CNOT6L: variants seen among roughly 807,000 people sequenced by gnomAD.
The protein encoded by CNOT6L is CCR4-NOT transcription complex subunit 6 like.
A neutral mutation model predicts 64.0 loss-of-function variants in CNOT6L; 7 were observed. That is an observed-to-expected ratio of 0.11 (90% CI 0.06 to 0.21). The LOEUF is 0.21. CNOT6L is among the 10% of genes least tolerant of loss of function. CNOT6L has a pLI of 1.00. For missense variants in CNOT6L, 245 were observed against 669.0 expected, an observed-to-expected ratio of 0.37 and a Z score of 6.99; for synonymous variants, 193 against 243.4, an observed-to-expected ratio of 0.79 and a Z score of 1.93.
At chr4:77,758,581 C>G (rs1446033322) in intron 4 of CNOT6L, among the ~76,000 whole-genome samples, 2 of 152,204 alleles carry the variant, frequency 1.3e-5, no homozygotes, top group African/African-American at 4.8e-5. Context: ...CAAACACAAA[C>G]AAGCAGATAC....
intron 4 of CNOT6L, among the ~76,000 whole-genome samples, chr4:77,771,584 C>A (rs1410900965): frequency 6.6e-6 from 1 of 152,164 alleles, no homozygotes; most frequent in Non-Finnish European, 1.5e-5. Flanking sequence ...TCCCTCTCTA[C>A]TTCATATGTG....
Position 77,730,796 on chromosome 4 carries a change from A to G in CNOT6L, c.1024+591T>C, listed in dbSNP as rs116245735. 4.0e-3 allele frequency among the ~76,000 whole-genome samples: 611 copies of G among 152,244 alleles called. 3 individuals are homozygous for G. The highest frequency in any genetic ancestry group is 6.2e-3 in the Non-Finnish European group (424 of 67,970). On this transcript the variant is annotated intron_variant, in intron 9 of 11. Transcript: ENST00000504123. ...ATGTAGTCTCACTCCTTTCTTGCTT[A>G]AAATGTACTAGTAAACAGTGAGATG...
At chr4:77,818,408 C>T (rs1313223767) in intron 1 of CNOT6L, among the ~76,000 whole-genome samples, 1 of 152,136 alleles carries the variant, frequency 6.6e-6, no homozygotes, top group Non-Finnish European at 1.5e-5. Context: ...GCCAGTTTCC[C>T]TTTCTTCCTC....
At position 77,726,634 on chromosome 4, in the gene CNOT6L, A is replaced by T. The variant is rs188516238; in HGVS notation, c.1253-265T>A. On this transcript the variant is annotated intron_variant, in intron 10 of 11. Coordinates refer to ENST00000504123, the MANE Select transcript of CNOT6L (RefSeq NM_144571.3). Reference sequence around the variant, plus strand: ...ACTCAAAGATATCCTTAGTTTTCTTAGTGGTTTTTCAGGCTAAAGATGATT... The same window carrying T: ...ACTCAAAGATATCCTTAGTTTTCTTTGTGGTTTTTCAGGCTAAAGATGATT... Among the ~76,000 whole-genome samples the T allele has an allele frequency of 2.0e-3, 306 of 152,326 alleles. 1 individual carries two copies. The highest frequency in any genetic ancestry group is 7.0e-3 in the African/African-American group (293 of 41,586).
intron 1 of CNOT6L, among the ~76,000 whole-genome samples, chr4:77,784,489 G>C (rs1220917277): frequency 6.9e-6 from 1 of 144,264 alleles, no homozygotes; most frequent in Non-Finnish European, 1.5e-5. Context: ...TAAAGATACT[G>C]AATATAATCT....
intron 5 of CNOT6L, among the ~76,000 whole-genome samples, chr4:77,756,028 G>A (rs1438711169): frequency 6.6e-6 from 1 of 151,916 alleles, no homozygotes; most frequent in South Asian, 2.1e-4. Flanking sequence ...CTGTCACCCA[G>A]GCTGGAGTGC....
chr4:77,796,366 G>A (rs1353913172), intron 1 of CNOT6L, among the ~76,000 whole-genome samples: 1 of 152,128 alleles, frequency 6.6e-6, no homozygotes, highest in Non-Finnish European at 1.5e-5. Context: ...TTGGTGGGAA[G>A]TGATTGAATC....
chr4:77,774,782 G>A (rs994970130), intron 2 of CNOT6L, 66 bp from the exon 3 acceptor site: 7 of 1,029,976 alleles, frequency 6.8e-6, no homozygotes, highest in South Asian at 4.2e-5. Context: ...AAACTACAAC[G>A]ACTGAAAAGT....
chr4:77,814,199 A>C (rs1733306307), intron 1 of CNOT6L, among the ~76,000 whole-genome samples: 1 of 152,204 alleles, frequency 6.6e-6, no homozygotes, highest in Non-Finnish European at 1.5e-5. Context: ...GGAAGTAGTA[A>C]TTGCCTAGAA....
intron 4 of CNOT6L, among the ~76,000 whole-genome samples, chr4:77,770,225 G>A (rs1255825739): frequency 1.3e-5 from 2 of 152,062 alleles, no homozygotes; most frequent in African/African-American, 4.8e-5. Flanking sequence ...TTCAGTATCT[G>A]AGTTTCAAAG....
chr4:77,731,816 A>G, intron 8 of CNOT6L: 1 of 271,074 alleles, frequency 3.7e-6, no homozygotes, highest in Middle Eastern at 1.1e-3. Flanking sequence ...GTGACCATGA[A>G]ATAAGAAGCA....
chr4:77,731,969 C>A (rs1447116698), intron 8 of CNOT6L: 1 of 154,486 alleles, frequency 6.5e-6, no homozygotes, highest in Non-Finnish European at 1.4e-5. Flanking sequence ...TTTAAAGGTG[C>A]ACACAATCTC....
At chr4:77,726,412 C>G (rs758515070) in intron 10 of CNOT6L, 43 bp from the exon 11 acceptor site, 3 of 1,484,864 alleles carry the variant, frequency 2.0e-6, no homozygotes, top group East Asian at 2.3e-5. Flanking sequence ...GCATTTAGAC[C>G]TTACACAAGG....
intron 4 of CNOT6L, among the ~76,000 whole-genome samples, chr4:77,761,355 G>A (rs1466707524): frequency 6.6e-6 from 1 of 152,110 alleles, no homozygotes; most frequent in Admixed American, 6.5e-5. Context: ...AAAAAGGTGG[G>A]AGGATAACCT....
rs1016364464 is a variant in CNOT6L, at chr4:77,799,434, G to A, written c.5+19870C>T. 6.6e-5 allele frequency among the ~76,000 whole-genome samples: 10 copies of A among 152,114 alleles called. 1 individual carries two copies. Among genetic ancestry groups the A allele is most frequent in the Admixed American group, 5.9e-4 (9 of 15,260 alleles). ...AAGTAATATGTTCAGGATGGGTGTGGTGGTTCACGCCTGTAATCCCAGCAC... is the reference window on the plus strand; with the variant it reads ...AAGTAATATGTTCAGGATGGGTGTGATGGTTCACGCCTGTAATCCCAGCAC... On this transcript the variant is annotated intron_variant, in intron 1 of 11. Transcript: ENST00000504123.
At chr4:77,813,786 T>C (rs1733237649) in intron 1 of CNOT6L, among the ~76,000 whole-genome samples, 1 of 152,112 alleles carries the variant, frequency 6.6e-6, no homozygotes, top group Non-Finnish European at 1.5e-5. Context: ...AGAGCTCTCA[T>C]ACACTGCTGA....
rs770360062 is a variant in CNOT6L at position 77,715,040 on chromosome 4, C to T, written c.*5391G>A. ...ATACATCAGTGATTTGAAGTTAATA[C>T]GAAACTGAAATGAGCAAGAAAGGAC... On this transcript the variant is annotated 3_prime_UTR_variant, in exon 12 of 12. Transcript: ENST00000504123. The T allele has an allele frequency of 1.1e-4, 16 of 152,082 alleles. No homozygotes were observed. Among genetic ancestry groups the T allele is most frequent in the East Asian group, 3.8e-4 (2 of 5,198 alleles). The allele number at this position is 152,082 out of a possible 1,614,324, so 9.4% of individuals were successfully genotyped here.
rs142953243 is a variant in CNOT6L, at chr4:77,728,210, T to C, written c.1252+644A>G. 1.6e-4 allele frequency among the ~76,000 whole-genome samples: 25 copies of C among 152,348 alleles called. 1 individual carries two copies. In the East Asian group the frequency reaches 4.4e-3, roughly 27 times the overall value. On this transcript the variant is annotated intron_variant, in intron 10 of 11. Coordinates refer to ENST00000504123, the MANE Select transcript of CNOT6L (RefSeq NM_144571.3). ...AACTACTAACATTATCCAAATATCATTTAATGAATTCACTTAAAAGTTGCT... is the reference window on the plus strand; with the variant it reads ...AACTACTAACATTATCCAAATATCACTTAATGAATTCACTTAAAAGTTGCT...
chr4:77,760,860 C>CTTTTATTTTT (rs1726135183), intron 4 of CNOT6L, among the ~76,000 whole-genome samples: 4 of 29,978 alleles, frequency 1.3e-4, no homozygotes, highest in Non-Finnish European at 2.3e-4. Context: ...CCATGCCTGG[C>CTTTTATTTTT]TTTTTTTTTT....
Sources: allele counts gnomAD v4.1 joint callset (sites outside exome capture counted in the v4.1 genomes callset), GRCh38; gene constraint gnomAD v4.1.1; transcripts MANE v1.5; gene names NCBI Gene and HGNC (gene_info 2026-07-23, HGNC 2026-07-21).